The following RCAN2 variants were observed in gnomAD, a reference collection of about 807,000 sequenced individuals.
RCAN2 encodes the protein regulator of calcineurin 2, also known as calcipressin-2.
A neutral mutation model predicts 23.6 loss-of-function variants in RCAN2; 9 were observed. The ratio of observed to expected loss-of-function variants is 0.38; its 90% confidence interval spans 0.23 to 0.67. The LOEUF is 0.67. Ranked by LOEUF, RCAN2 falls within the 30% of genes least tolerant of loss-of-function variation. The probability of loss-of-function intolerance (pLI) is 0.51; values close to 1 mark genes in which losing one functional copy is unlikely to be tolerated. For synonymous variants in RCAN2, 109 were observed against 115.7 expected, an observed-to-expected ratio of 0.94 and a Z score of 0.37; for missense variants, 273 against 302.3, an observed-to-expected ratio of 0.90 and a Z score of 0.72.
intron 2 of RCAN2, among the ~76,000 whole-genome samples, chr6:46,344,430 A>G (rs186046205): frequency 1.2e-3 from 177 of 152,228 alleles, no homozygotes; most frequent in African/African-American, 4.1e-3. Flanking sequence ...ATTTGTGGGT[A>G]AATAGACAAG....
chr6:46,374,063 C>T (rs1042424337), intron 2 of RCAN2, among the ~76,000 whole-genome samples: 3 of 152,196 alleles, frequency 2.0e-5, no homozygotes, highest in Admixed American at 1.3e-4. Flanking sequence ...GAAGGCTTTA[C>T]AGTCCCACTC....
In RCAN2 at chr6:46,222,228, G is replaced by A. The variant is rs1765500387; in HGVS notation, c.*913C>T. 2 of 373,516 alleles carry A rather than the reference G, an allele frequency of 5.4e-6. No homozygotes were observed. Among genetic ancestry groups the A allele is most frequent in the East Asian group, 7.7e-5 (2 of 25,992 alleles). 23.1% of individuals were successfully genotyped at this position (373,516 alleles called of 1,614,324 possible). A position where few individuals can be genotyped will look rare whatever the true frequency, so the allele number is the denominator to read the frequency against. On this transcript the variant is annotated 3_prime_UTR_variant, in exon 5 of 5. Coordinates refer to ENST00000371374, the MANE Select transcript of RCAN2 (RefSeq NM_001251974.2). The stretch of plus-strand genomic sequence containing the variant: ...GGCATTCATAAGCAATGCACATTAT[G>A]TTTTGAAGCAGCTAATTGTCGAACA...
At chr6:46,419,493 C>T (rs367735830) in intron 2 of RCAN2, among the ~76,000 whole-genome samples, 109 of 152,278 alleles carry the variant, frequency 7.2e-4, no homozygotes, top group African/African-American at 2.4e-3. Context: ...ATTTCATCCA[C>T]GGAAGGTACA....
Position 46,379,404 on chromosome 6 carries a change from G to A in RCAN2, c.225+77348C>T, listed in dbSNP as rs1034411464. Among the ~76,000 whole-genome samples, 3 of 152,084 alleles carry A rather than the reference G, an allele frequency of 2.0e-5. No homozygotes were observed. In the East Asian group the frequency reaches 5.8e-4, roughly 29 times the overall value. The stretch of plus-strand genomic sequence containing the variant: ...AGGAACACAGCCACATCAGCTCAGT[G>A]GCAATGAACGTCAACAGTCCTAGGA... On this transcript the variant is annotated intron_variant, in intron 2 of 4. Transcript: ENST00000371374.
chr6:46,458,272 C>A (rs1174654436), intron 1 of RCAN2, among the ~76,000 whole-genome samples: 1 of 152,178 alleles, frequency 6.6e-6, no homozygotes, highest in African/African-American at 2.4e-5. Flanking sequence ...CTGCTTATCT[C>A]TCTCTTGAAC....
intron 4 of RCAN2, among the ~76,000 whole-genome samples, chr6:46,225,092 T>C (rs1389497735): frequency 6.6e-6 from 1 of 152,162 alleles, no homozygotes; most frequent in East Asian, 1.9e-4. Context: ...TTCATCCGTG[T>C]CCCTACAAAG....
chr6:46,488,633 G>A (rs1415109783), intron 1 of RCAN2, among the ~76,000 whole-genome samples: 3 of 152,148 alleles, frequency 2.0e-5, no homozygotes, highest in Admixed American at 2.0e-4. Flanking sequence ...GAAAATAAAA[G>A]TGCCTACTGA....
intron 1 of RCAN2, among the ~76,000 whole-genome samples, chr6:46,459,707 C>T (rs929055615): frequency 2.6e-5 from 4 of 152,182 alleles, no homozygotes; most frequent in Non-Finnish European, 5.9e-5. Flanking sequence ...CTCAGTTTAT[C>T]CTTGTAAAAC....
intron 2 of RCAN2, among the ~76,000 whole-genome samples, chr6:46,309,248 G>C (rs1763177081): frequency 6.6e-6 from 1 of 152,156 alleles, no homozygotes; most frequent in Non-Finnish European, 1.5e-5. Context: ...AGCAAAGAGA[G>C]GCCTGGAATG....
chr6:46,456,722 A>G (rs1768043610), intron 2 of RCAN2, 30 bp downstream of exon 2: 1 of 1,439,162 alleles, frequency 6.9e-7, no homozygotes, highest in South Asian at 1.2e-5. Context: ...ATATCTCCCC[A>G]TGTTTTAGGA....
At chr6:46,399,958 C>A (rs1195492394) in intron 2 of RCAN2, among the ~76,000 whole-genome samples, 2 of 152,214 alleles carry the variant, frequency 1.3e-5, no homozygotes, top group Non-Finnish European at 2.9e-5. Flanking sequence ...AACTTTCCTG[C>A]ACACAAAATC....
At chr6:46,376,934 A>G (rs1375449931) in intron 2 of RCAN2, among the ~76,000 whole-genome samples, 1 of 148,036 alleles carries the variant, frequency 6.8e-6, no homozygotes, top group Admixed American at 6.7e-5. Flanking sequence ...TAGATAGGGC[A>G]TTTGGTGACA....
chr6:46,246,117 A>C (rs1364423232), intron 4 of RCAN2, among the ~76,000 whole-genome samples: 1 of 152,146 alleles, frequency 6.6e-6, no homozygotes, highest in African/African-American at 2.4e-5. Context: ...AAATAATCTA[A>C]ATGTCCATCA....
intron 1 of RCAN2, among the ~76,000 whole-genome samples, chr6:46,486,344 C>T (rs963497255): frequency 1.3e-5 from 2 of 152,142 alleles, no homozygotes; most frequent in Non-Finnish European, 1.5e-5. Context: ...GGAACAGGGG[C>T]AGCATTCAAC....
chr6:46,381,870 G>A (rs141899353), intron 2 of RCAN2, among the ~76,000 whole-genome samples: 1 of 152,260 alleles, frequency 6.6e-6, no homozygotes, highest in East Asian at 1.9e-4. Context: ...GGAAGAACTG[G>A]CCTACAAGGT....
At chr6:46,225,242 T>A (rs1765622979) in intron 4 of RCAN2, among the ~76,000 whole-genome samples, 1 of 152,236 alleles carries the variant, frequency 6.6e-6, no homozygotes, top group Non-Finnish European at 1.5e-5. Flanking sequence ...ACAATAAACA[T>A]ATGTGTGCAT....
At chr6:46,262,259 C>T (rs983659071) in intron 2 of RCAN2, among the ~76,000 whole-genome samples, 1 of 152,138 alleles carries the variant, frequency 6.6e-6, no homozygotes, top group Non-Finnish European at 1.5e-5. Context: ...ATCCTGATCT[C>T]TTCTTTCTCC....
intron 2 of RCAN2, among the ~76,000 whole-genome samples, chr6:46,357,668 G>C (rs778740743): frequency 6.6e-6 from 1 of 152,174 alleles, no homozygotes; most frequent in Admixed American, 6.5e-5. Flanking sequence ...TAGAGATAGA[G>C]GAGCAGAAGC....
chr6:46,238,971 C>T (rs756990395), intron 4 of RCAN2, among the ~76,000 whole-genome samples: 1 of 152,166 alleles, frequency 6.6e-6, no homozygotes, highest in Non-Finnish European at 1.5e-5. Context: ...TGGATTATCT[C>T]ATTTGATGCT....
Sources: allele counts gnomAD v4.1 joint callset (sites outside exome capture counted in the v4.1 genomes callset), GRCh38; gene constraint gnomAD v4.1.1; transcripts MANE v1.5; gene names NCBI Gene and HGNC (gene_info 2026-07-23, HGNC 2026-07-21).